ANKFY1: variants seen among roughly 807,000 people sequenced by gnomAD.
The protein encoded by ANKFY1 is ankyrin repeat and FYVE domain-containing protein 1.
Under a neutral mutation model 128.3 loss-of-function variants are expected in ANKFY1, and 47 were observed. The observed-to-expected ratio is 0.37, with a 90% CI of 0.29 to 0.47. The LOEUF is 0.47. Among genes scored for constraint, ANKFY1 ranks in the 20% least tolerant of loss-of-function variants. ANKFY1 has a pLI of 1.00. For synonymous variants in ANKFY1, 553 were observed against 601.6 expected (o/e 0.92, Z 1.18); for missense variants, 1,222 against 1,510.6 (o/e 0.81, Z 3.17).
rs767643890 is a variant in ANKFY1 at position 4,195,193 on chromosome 17, A to T, written c.1173-16T>A. The T allele has an allele frequency of 1.3e-6, 2 of 1,593,080 alleles. No homozygotes were observed. The highest frequency in any genetic ancestry group is 1.1e-5 in the South Asian group (1 of 88,592). ...TAAATCTAGTCTGAAAAGCAGAAGC[A>T]GTGTCAACAGCACATACAATCTTTT... On this transcript the variant is annotated splice_polypyrimidine_tract_variant and intron_variant, in intron 9 of 24. Transcript: ENST00000341657.
intron 4 of ANKFY1, among the ~76,000 whole-genome samples, chr17:4,213,691 T>A (rs537352266): frequency 6.6e-6 from 1 of 151,574 alleles, no homozygotes; most frequent in East Asian, 1.9e-4. Context: ...CTCCTGCCTC[T>A]GCCTCCCGTG....
At chr17:4,236,371 G>A (rs780407762) in intron 2 of ANKFY1, among the ~76,000 whole-genome samples, 61 of 152,170 alleles carry the variant, frequency 4.0e-4, no homozygotes, top group Non-Finnish European at 7.9e-4. Context: ...CTAACAAGCA[G>A]TCATGAACAT....
chr17:4,167,854 T>C lies in ANKFY1; in HGVS notation c.3435A>G (p.Ile1145Met). 2 of 1,614,076 alleles carry C rather than the reference T, an allele frequency of 1.2e-6. No individual in the cohort carries two copies. Among genetic ancestry groups the C allele is most frequent in the Non-Finnish European group, 8.5e-7 (1 of 1,179,970 alleles). The change falls in exon 25 of 25, where the codon ATA (isoleucine) becomes ATG (methionine). Residue 1145 changes from isoleucine to methionine, a missense_variant. Physicochemically the swap from Ile to Met is conservative, Grantham distance 10 (BLOSUM62 1). Coordinates refer to ENST00000341657, the MANE Select transcript of ANKFY1 (RefSeq NM_001330063.2). This position sits in a 1 kb window ranked among gnomAD's most constrained non-coding sequence, Gnocchi z 4.1. ...HKCSTKEIPI[I>M]KFDLNKPVRV... ...GCACAGGCTTGTTCAGATCAAACTTTATAATAGGAATCTCCTTGGTCGAGC... is the reference window on the plus strand; with the variant it reads ...GCACAGGCTTGTTCAGATCAAACTTCATAATAGGAATCTCCTTGGTCGAGC...
At chr17:4,180,760 CAAAAAAAAAAAAAAA>C (rs11392631) in intron 16 of ANKFY1, among the ~76,000 whole-genome samples, 1 of 58,026 alleles carries the variant, frequency 1.7e-5, no homozygotes, top group East Asian at 6.1e-4. Context: ...GACTCTGTCT[CAAAAAAAAAAAAAAA>C]AAAAAAAAAG....
rs377382008 is a variant in ANKFY1 at position 4,169,329 on chromosome 17, C to T, written c.3287-41G>A. 2.9e-5 allele frequency: 42 copies of T among 1,469,790 alleles called. 1 individual carries two copies. The South Asian group carries it at 3.7e-4, about 13-fold the overall frequency. The allele number at this position is 1,469,790 out of a possible 1,614,324, so 91.0% of individuals were successfully genotyped here. A position where few individuals can be genotyped will look rare whatever the true frequency, so the allele number is the denominator to read the frequency against. On this transcript the variant is annotated intron_variant, in intron 23 of 24. Transcript: ENST00000341657. This position sits in a 1 kb window ranked among gnomAD's most constrained non-coding sequence, Gnocchi z 5.0. ...GAGGCCCGGTCCCGTCAAACCGCGA[C>T]GGCGCCACGCAAGCCCCAGGGCTTG...
chr17:4,262,223 G>A (rs1321656270), intron 1 of ANKFY1, among the ~76,000 whole-genome samples: 1 of 152,078 alleles, frequency 6.6e-6, no homozygotes, highest in Non-Finnish European at 1.5e-5. Flanking sequence ...TGCAACCTCC[G>A]CCTCCCGGAT....
chr17:4,183,433 G>C lies in ANKFY1; in HGVS notation c.1917C>G (p.Leu639=), dbSNP rs1188757001. 1 of 1,613,964 alleles carries C rather than the reference G, an allele frequency of 6.2e-7. No homozygotes were observed. The highest frequency in any genetic ancestry group is 1.7e-5 in the Admixed American group (1 of 60,024). The change falls in exon 14 of 25, where the codon CTC becomes CTG. Residue 639 remains leucine (L), a synonymous_variant. Coordinates refer to ENST00000341657, the MANE Select transcript of ANKFY1 (RefSeq NM_001330063.2). ...AIQRQDSKSA[L]FLLEHQADIN... is the part of the protein sequence containing the mutation. Reference sequence around the variant, plus strand: ...TATCTGCCTGGTGCTCCAGCAGGAAGAGTGCGCTCTTGCTGTCCTGCCGCT... The same window carrying C: ...TATCTGCCTGGTGCTCCAGCAGGAACAGTGCGCTCTTGCTGTCCTGCCGCT...
chr17:4,211,525 C>T (rs1243974868), intron 4 of ANKFY1, among the ~76,000 whole-genome samples: 1 of 152,068 alleles, frequency 6.6e-6, no homozygotes, highest in East Asian at 1.9e-4. Flanking sequence ...CAATGGATGT[C>T]CTCATAAAGC....
chr17:4,186,980 A>G (rs2059623231), intron 11 of ANKFY1: 20 of 1,203,912 alleles, frequency 1.7e-5, no homozygotes, highest in Admixed American at 4.4e-5. Flanking sequence ...CTGTTTTTCC[A>G]TGGGTTCGCC....
chr17:4,262,308 C>G (rs184599430), intron 1 of ANKFY1, among the ~76,000 whole-genome samples: 31 of 152,318 alleles, frequency 2.0e-4, no homozygotes, highest in East Asian at 1.2e-3. Flanking sequence ...TCACTCCAGG[C>G]TGGAGTGCAG....
At position 4,235,794 on chromosome 17, in the gene ANKFY1, G is replaced by A. The variant is rs372632724; in HGVS notation, c.300C>T (p.Ser100=). ...CACCTGACAGGTCCAACTCTTTAGT[G>A]GAAGACAAGTTAGCCAGACTCCAGC... is the stretch of plus-strand genomic sequence containing the variant. The part of the protein sequence containing the change: ...SDSWSLANLS[S]TKELDLSDAN... Residue 100 remains serine (S), a synonymous_variant, in exon 3 of 25, where the codon TCC becomes TCT. Coordinates refer to ENST00000341657, the MANE Select transcript of ANKFY1 (RefSeq NM_001330063.2). The A allele has an allele frequency of 1.3e-4, 213 of 1,614,116 alleles. No individual in the cohort carries two copies. The African/African-American group carries it at 2.4e-3, about 18-fold the overall frequency.
chr17:4,253,193 C>A (rs925348841), intron 1 of ANKFY1, among the ~76,000 whole-genome samples: 1 of 152,118 alleles, frequency 6.6e-6, no homozygotes, highest in African/African-American at 2.4e-5. Flanking sequence ...TGCACTCCAG[C>A]CTGGGCGACA....
intron 1 of ANKFY1, among the ~76,000 whole-genome samples, chr17:4,260,344 C>G (rs906228931): frequency 1.3e-5 from 2 of 152,038 alleles, no homozygotes; most frequent in Admixed American, 1.3e-4. Context: ...GGGCTGGGAG[C>G]GGTGGCTCAC....
At chr17:4,208,329 G>A (rs115552494) in intron 5 of ANKFY1, among the ~76,000 whole-genome samples, 3 of 152,300 alleles carry the variant, frequency 2.0e-5, no homozygotes, top group African/African-American at 7.2e-5. Context: ...AAATGGCTGG[G>A]GAACCAGAAG....
rs771532865 is a variant in ANKFY1, at chr17:4,181,236, T to C, written c.2240+18A>G. 4 of 1,596,524 alleles carry C rather than the reference T, an allele frequency of 2.5e-6. No individual in the cohort carries two copies. The highest frequency in any genetic ancestry group is 3.4e-6 in the Non-Finnish European group (4 of 1,164,018). ...AGCTCACTAAAAAGCTGTGGAGAGA[T>C]ACTGGGGACTCTCAGACCTGCGAAT... On this transcript the variant is annotated intron_variant, in intron 16 of 24. Transcript: ENST00000341657. This position sits in a 1 kb window ranked among gnomAD's most constrained non-coding sequence, Gnocchi z 4.9.
rs770654769 is a variant in ANKFY1, at chr17:4,183,868, T to C, written c.1742A>G (p.Asp581Gly). The C allele has an allele frequency of 3.1e-6, 5 of 1,613,984 alleles. No homozygotes were observed. In the South Asian group the frequency reaches 4.4e-5, roughly 14 times the overall value. Residue 581 changes from aspartate (D) to glycine (G), a missense_variant, in exon 13 of 25, where the codon GAC (aspartate) becomes GGC (glycine). Asp to Gly is a moderately conservative substitution (Grantham distance 94). Coordinates refer to ENST00000341657, the MANE Select transcript of ANKFY1 (RefSeq NM_001330063.2). ...GTCTCGGGAATCTTTGAGGCTGAAG[T>C]CCGGAATGATCTGCAAGTTGTTGGT... ...HATNNLQIIPDFSLKDSRDQT... is the reference protein window; with the variant it reads ...HATNNLQIIPGFSLKDSRDQT...
chr17:4,213,334 C>T (rs1187228553), intron 4 of ANKFY1, among the ~76,000 whole-genome samples: 2 of 151,608 alleles, frequency 1.3e-5, no homozygotes, highest in Admixed American at 6.6e-5. Context: ...GGATTATAGG[C>T]GCCCGCCACC....
chr17:4,172,003 G>C (rs1253961810), intron 22 of ANKFY1, among the ~76,000 whole-genome samples: 1 of 152,132 alleles, frequency 6.6e-6, no homozygotes, highest in Non-Finnish European at 1.5e-5. Flanking sequence ...TGAGGCTGCC[G>C]TGAGTCCTCG....
intron 5 of ANKFY1, among the ~76,000 whole-genome samples, chr17:4,209,548 G>A (rs976626612): frequency 2.0e-5 from 3 of 152,276 alleles, no homozygotes; most frequent in South Asian, 2.1e-4. Context: ...TGGTCTGCCC[G>A]CCTGGGCCTC....
Sources: gnomAD v4.1 joint callset for allele counts (sites outside exome capture counted in the v4.1 genomes callset) on GRCh38, gnomAD v4.1.1 for gene constraint, Gnocchi (gnomAD v3.1) non-coding constraint, MANE v1.5 for transcripts, NCBI Gene and HGNC (gene_info 2026-07-23, HGNC 2026-07-21) for gene names.